The following EYS variants were observed in gnomAD, a reference collection of about 807,000 sequenced individuals.
EYS encodes the protein protein eyes shut homolog.
A neutral mutation model predicts 282.1 loss-of-function variants in EYS; 250 were observed. The observed-to-expected ratio is 0.89, with a 90% CI of 0.80 to 0.98. The LOEUF is 0.98. Ranked by LOEUF, EYS falls within the 50% of genes least tolerant of loss-of-function variation. The pLI, the probability that EYS is intolerant of heterozygous loss-of-function variation, is 0.00. For missense variants in EYS, 4,016 were observed against 3,709.0 expected (o/e 1.08, Z -2.15); for synonymous variants, 1,355 against 1,282.9 (o/e 1.06, Z -1.20).
At chr6:64,554,049 G>T (rs1342557711) in intron 26 of EYS, among the ~76,000 whole-genome samples, 1 of 151,936 alleles carries the variant, frequency 6.6e-6, no homozygotes, top group Non-Finnish European at 1.5e-5. Flanking sequence ...CATCCAAAGG[G>T]AATCACACAC....
chr6:65,278,720 A>T (rs569199896), intron 12 of EYS, among the ~76,000 whole-genome samples: 1 of 152,226 alleles, frequency 6.6e-6, no homozygotes, highest in African/African-American at 2.4e-5. Context: ...TAGTCAATTC[A>T]TAATTGTTTC....
At chr6:65,661,048 G>A (rs576401558) in intron 1 of EYS, among the ~76,000 whole-genome samples, 72 of 151,804 alleles carry the variant, frequency 4.7e-4, no homozygotes, top group African/African-American at 1.7e-3. Context: ...AAAATAACTC[G>A]GTCTATAAGT....
At chr6:64,129,985 C>CT (rs1773915780) in intron 31 of EYS, among the ~76,000 whole-genome samples, 1 of 152,090 alleles carries the variant, frequency 6.6e-6, no homozygotes, top group Admixed American at 6.6e-5. Context: ...TTCCATTGGT[C>CT]TATATCTCTG....
chr6:63,972,901 T>G (rs562525593), intron 35 of EYS, among the ~76,000 whole-genome samples: 1 of 152,120 alleles, frequency 6.6e-6, no homozygotes, highest in Admixed American at 6.6e-5. Context: ...TATTCCATGG[T>G]GTATATGTGC....
At chr6:63,828,050 G>T (rs1554176015) in intron 36 of EYS, among the ~76,000 whole-genome samples, 1 of 152,050 alleles carries the variant, frequency 6.6e-6, no homozygotes, top group Non-Finnish European at 1.5e-5. Context: ...AATGACAATA[G>T]TGATACAATC....
intron 33 of EYS, among the ~76,000 whole-genome samples, chr6:64,048,654 G>T (rs986021662): frequency 6.6e-6 from 1 of 151,988 alleles, no homozygotes; most frequent in Admixed American, 6.6e-5. Context: ...ATTACCTGGA[G>T]GTCTGAAGTA....
chr6:65,435,398 T>C (rs1562179507), intron 5 of EYS, among the ~76,000 whole-genome samples: 2 of 151,736 alleles, frequency 1.3e-5, no homozygotes, highest in African/African-American at 4.8e-5. Flanking sequence ...TTGTTTTATA[T>C]ATATGAATAC....
At chr6:65,261,314 CAT>C (rs1409776473) in intron 12 of EYS, among the ~76,000 whole-genome samples, 5 of 151,842 alleles carry the variant, frequency 3.3e-5, no homozygotes, top group African/African-American at 1.2e-4. Flanking sequence ...CACACACAAA[CAT>C]ATATATGTCT....
chr6:65,200,167 T>C (rs1057293650), intron 12 of EYS, among the ~76,000 whole-genome samples: 4 of 148,050 alleles, frequency 2.7e-5, no homozygotes, highest in African/African-American at 1.1e-4. Context: ...GAAAGTTAAG[T>C]GTCAAAGATA....
chr6:65,061,875 GT>G (rs1295461139), intron 12 of EYS, among the ~76,000 whole-genome samples: 2 of 151,850 alleles, frequency 1.3e-5, no homozygotes, highest in Non-Finnish European at 2.9e-5. Flanking sequence ...TTCATGCATA[GT>G]ATCTCAAACA....
At chr6:65,460,000 ATATATAT>A (rs1479837052) in intron 5 of EYS, among the ~76,000 whole-genome samples, 18 of 129,482 alleles carry the variant, frequency 1.4e-4, no homozygotes, top group African/African-American at 5.7e-4. Context: ...ATATATATAT[ATATATAT>A]AATTTTATTG....
intron 2 of EYS, among the ~76,000 whole-genome samples, chr6:65,599,324 G>T (rs1386623797): frequency 6.6e-6 from 1 of 152,152 alleles, no homozygotes; most frequent in African/African-American, 2.4e-5. Flanking sequence ...GGAAACACAT[G>T]GACCCAGAGG....
chr6:63,725,718 C>A (rs1047632445), intron 42 of EYS, among the ~76,000 whole-genome samples: 7 of 152,042 alleles, frequency 4.6e-5, no homozygotes, highest in African/African-American at 1.7e-4. Context: ...ATATTCTTAT[C>A]ATTTAGAAGC....
At chr6:64,926,295 G>T (rs1203270941) in intron 15 of EYS, among the ~76,000 whole-genome samples, 1 of 152,294 alleles carries the variant, frequency 6.6e-6, no homozygotes, top group Admixed American at 6.5e-5. Context: ...ATAAATCTCT[G>T]ACCTGAGACT....
At chr6:65,020,577 G>A (rs1772219567) in intron 13 of EYS, among the ~76,000 whole-genome samples, 1 of 152,128 alleles carries the variant, frequency 6.6e-6, no homozygotes, top group East Asian at 1.9e-4. Flanking sequence ...ACTTTTCCAG[G>A]GGCACGGTGC....
intron 19 of EYS, among the ~76,000 whole-genome samples, chr6:64,827,109 C>A (rs1244620084): frequency 1.3e-5 from 2 of 151,774 alleles, no homozygotes; most frequent in Non-Finnish European, 2.9e-5. Context: ...TTTTAAAAAT[C>A]TCTCTAGATG....
intron 26 of EYS, among the ~76,000 whole-genome samples, chr6:64,543,200 T>A (rs1046514859): frequency 1.1e-4 from 17 of 152,116 alleles, no homozygotes; most frequent in Admixed American, 4.6e-4. Context: ...TACCACAATA[T>A]CTGGAGCTTT....
At chr6:64,241,323 C>T (rs1207974033) in intron 30 of EYS, among the ~76,000 whole-genome samples, 3 of 152,096 alleles carry the variant, frequency 2.0e-5, no homozygotes, top group African/African-American at 7.2e-5. Context: ...GGAATGGTAC[C>T]AGCACCTCTT....
intron 30 of EYS, among the ~76,000 whole-genome samples, chr6:64,296,820 T>A (rs1344581132): frequency 6.6e-6 from 1 of 151,976 alleles, no homozygotes; most frequent in East Asian, 1.9e-4. Flanking sequence ...TTGGCCAGAC[T>A]GGTATTGAAC....
Sources: allele counts gnomAD v4.1 joint callset (sites outside exome capture counted in the v4.1 genomes callset), GRCh38; gene constraint gnomAD v4.1.1; transcripts MANE v1.5; gene names NCBI Gene and HGNC (gene_info 2026-07-23, HGNC 2026-07-21).